Variants in PRELID2 observed in about 807,000 individuals in gnomAD.
PRELID2 encodes PRELI domain-containing protein 2.
A neutral mutation model predicts 28.4 loss-of-function variants in PRELID2; 25 were observed. That is an observed-to-expected ratio of 0.88 (90% CI 0.64 to 1.23). PRELID2 has a LOEUF of 1.23. Ranked by LOEUF, PRELID2 falls within the 50% of genes most tolerant of loss-of-function variation. PRELID2 has a pLI of 0.00. For missense variants in PRELID2, 201 were observed against 214.4 expected (o/e 0.94, Z 0.39); for synonymous variants, 76 against 71.6 (o/e 1.06, Z -0.31).
rs1353200340 is a variant in PRELID2, at chr5:145,757,595, G to A, written c.*2941C>T. ...GACATTTCTTAAGCTACACAGTACA[G>A]AATAAAAAACATGGACTTCTAAATG... is the stretch of plus-strand genomic sequence containing the variant. On this transcript the variant is annotated 3_prime_UTR_variant, in exon 7 of 7. Transcript: ENST00000683046. Among the ~76,000 whole-genome samples, 3 of 151,888 alleles carry A rather than the reference G, an allele frequency of 2.0e-5. No individual in the cohort carries two copies. The highest frequency in any genetic ancestry group is 4.8e-5 in the African/African-American group (2 of 41,344).
At chr5:145,416,472 G>A in the PRELID2 span, among the ~76,000 whole-genome samples, 4 of 151,966 alleles carry the variant, frequency 2.6e-5, no homozygotes, top group African/African-American at 9.7e-5. Flanking sequence ...CCATCAGAGT[G>A]AACAGGCAAC....
chr5:145,692,999 C>T (rs1321928693), intron 1 of PRELID2, among the ~76,000 whole-genome samples: 1 of 152,056 alleles, frequency 6.6e-6, no homozygotes, highest in Admixed American at 6.6e-5. Flanking sequence ...TACAGGTGTA[C>T]GTCACCTAAA....
chr5:145,642,550 T>C (rs1754125016), intron 1 of PRELID2, among the ~76,000 whole-genome samples: 1 of 152,248 alleles, frequency 6.6e-6, no homozygotes. Context: ...TTGGCTTTTG[T>C]TGCCATTGCT....
At chr5:145,741,925 T>G (rs1339207605) in intron 1 of PRELID2, among the ~76,000 whole-genome samples, 1 of 73,684 alleles carries the variant, frequency 1.4e-5, no homozygotes, top group Non-Finnish European at 2.7e-5. Flanking sequence ...AATAAACAAA[T>G]AAATTTATTA....
At chr5:145,278,979 G>A in the PRELID2 span, among the ~76,000 whole-genome samples, 1 of 152,118 alleles carries the variant, frequency 6.6e-6, no homozygotes, top group Non-Finnish European at 1.5e-5. Flanking sequence ...CAAAAACACT[G>A]CAGCAGTGTA....
intron 3 of PRELID2, among the ~76,000 whole-genome samples, chr5:145,819,116 C>G (rs1293990408): frequency 6.6e-6 from 1 of 152,186 alleles, no homozygotes; most frequent in Admixed American, 6.5e-5. Flanking sequence ...ATTATGAGGC[C>G]TCCCCAGCCA....
the PRELID2 span, among the ~76,000 whole-genome samples, chr5:145,444,303 G>A: frequency 1.8e-4 from 28 of 152,100 alleles, no homozygotes; most frequent in East Asian, 4.3e-3. Context: ...CCCTGGACTC[G>A]AAAGATAGAT....
At chr5:145,819,589 G>A (rs1581268929) in intron 3 of PRELID2, 5 of 584,044 alleles carry the variant, frequency 8.6e-6, no homozygotes, top group Admixed American at 3.5e-5. Flanking sequence ...TATTAAAGAT[G>A]AGACTAAATA....
intron 5 of PRELID2, chr5:145,796,226 G>A (rs1184636248): frequency 2.7e-6 from 1 of 366,486 alleles, no homozygotes; most frequent in African/African-American, 2.1e-5. Flanking sequence ...ACTCTTCATT[G>A]GCATATTTTT....
At chr5:145,360,470 A>C in the PRELID2 span, among the ~76,000 whole-genome samples, 3 of 152,166 alleles carry the variant, frequency 2.0e-5, no homozygotes, top group South Asian at 6.2e-4. Context: ...AAACCCTTAC[A>C]GTGTCCCGAC....
the PRELID2 span, among the ~76,000 whole-genome samples, chr5:145,372,921 T>TATATATTACAACATATATAATATATATG: frequency 1.5e-5 from 1 of 65,288 alleles, no homozygotes; most frequent in Non-Finnish European, 3.1e-5. Flanking sequence ...TATATGATAT[T>TATATATTACAACATATATAATATATATG]ATATATTACA....
At chr5:145,231,821 G>A in the PRELID2 span, among the ~76,000 whole-genome samples, 1 of 152,176 alleles carries the variant, frequency 6.6e-6, no homozygotes, top group Non-Finnish European at 1.5e-5. Context: ...TTGTTCCTAT[G>A]AGTCAGGATA....
intron 5 of PRELID2, among the ~76,000 whole-genome samples, chr5:145,769,198 C>T (rs932208004): frequency 1.8e-4 from 28 of 152,124 alleles, no homozygotes; most frequent in African/African-American, 6.8e-4. Flanking sequence ...AACCATAAAC[C>T]AGCTTGATTT....
chr5:145,421,983 G>A, the PRELID2 span, among the ~76,000 whole-genome samples: 1,752 of 151,272 alleles, frequency 0.012, 30 homozygotes, highest in African/African-American at 0.04. Flanking sequence ...CCTTCACTTC[G>A]TTATGTACCC....
At chr5:145,745,460 G>A (rs1756964420) in intron 1 of PRELID2, among the ~76,000 whole-genome samples, 1 of 152,138 alleles carries the variant, frequency 6.6e-6, no homozygotes, top group South Asian at 2.1e-4. Flanking sequence ...TGGCCAAAAA[G>A]AAAAGCCAGG....
the PRELID2 span, among the ~76,000 whole-genome samples, chr5:145,297,790 G>T: frequency 5.9e-4 from 89 of 151,770 alleles, no homozygotes; most frequent in Admixed American, 2.1e-3. Context: ...ACAAAATCAA[G>T]GTACAAAAAT....
At chr5:145,623,664 G>A (rs557333378) in intron 1 of PRELID2, among the ~76,000 whole-genome samples, 2 of 151,986 alleles carry the variant, frequency 1.3e-5, no homozygotes, top group South Asian at 4.2e-4. Flanking sequence ...TAGGTAGGTA[G>A]GTAGATATCC....
At chr5:145,574,242 G>C (rs1241681368) in intron 1 of PRELID2, among the ~76,000 whole-genome samples, 2 of 152,118 alleles carry the variant, frequency 1.3e-5, no homozygotes, top group East Asian at 3.9e-4. Context: ...GCAGTCTCTA[G>C]AAGTCTGAAA....
intron 1 of PRELID2, among the ~76,000 whole-genome samples, chr5:145,740,735 A>T (rs1385669858): frequency 4.3e-5 from 5 of 117,040 alleles, no homozygotes; most frequent in African/African-American, 1.7e-4. Flanking sequence ...ATTAAATATT[A>T]TATATAAATA....
Sources: allele counts gnomAD v4.1 joint callset (sites outside exome capture counted in the v4.1 genomes callset), GRCh38; gene constraint gnomAD v4.1.1; transcripts MANE v1.5; gene names NCBI Gene and HGNC (gene_info 2026-07-23, HGNC 2026-07-21).